Variants in RBMS3 observed in about 807,000 individuals in gnomAD.
RBMS3 encodes the protein RNA-binding motif, single-stranded-interacting protein 3.
A neutral mutation model predicts 66.8 loss-of-function variants in RBMS3; 27 were observed. The observed-to-expected ratio is 0.40, with a 90% confidence interval of 0.30 to 0.56. RBMS3 has a LOEUF of 0.56. Ranked by LOEUF, RBMS3 falls within the 20% of genes least tolerant of loss-of-function variation. The probability of loss-of-function intolerance (pLI) is 0.40; values close to 1 mark genes in which losing one functional copy is unlikely to be tolerated. For synonymous variants in RBMS3, 188 were observed against 183.0 expected (o/e 1.03, Z -0.22); for missense variants, 513 against 549.5 (o/e 0.93, Z 0.66).
chr3:29,484,262 T>C (rs2043242021), intron 2 of RBMS3, among the ~76,000 whole-genome samples: 1 of 152,220 alleles, frequency 6.6e-6, no homozygotes, highest in Non-Finnish European at 1.5e-5. Context: ...AGAACTGCCA[T>C]AACAAAGTAC....
chr3:29,356,927 C>G (rs2037254995), intron 1 of RBMS3, among the ~76,000 whole-genome samples: 1 of 152,078 alleles, frequency 6.6e-6, no homozygotes, highest in South Asian at 2.1e-4. Context: ...ATAAAAAGGG[C>G]AGGTCTTACA....
intron 3 of RBMS3, among the ~76,000 whole-genome samples, chr3:29,527,485 A>G (rs796686283): frequency 3.9e-5 from 6 of 152,240 alleles, no homozygotes; most frequent in African/African-American, 1.4e-4. Flanking sequence ...CAACTCCATA[A>G]CCAGGGGCTC....
chr3:29,425,216 CAAA>C (rs71091059), intron 1 of RBMS3, among the ~76,000 whole-genome samples: 1 of 120,020 alleles, frequency 8.3e-6, no homozygotes, highest in Non-Finnish European at 1.8e-5. Flanking sequence ...CCAAAAAAAA[CAAA>C]AAAAAAAAAA....
intron 11 of RBMS3, among the ~76,000 whole-genome samples, chr3:29,941,160 C>T (rs777744504): frequency 5.3e-5 from 8 of 151,916 alleles, no homozygotes; most frequent in Non-Finnish European, 8.8e-5. Flanking sequence ...GTGATATCAT[C>T]GATTTCCACA....
intron 1 of RBMS3, among the ~76,000 whole-genome samples, chr3:29,320,470 T>C (rs1395834986): frequency 2.0e-5 from 3 of 152,188 alleles, no homozygotes; most frequent in Non-Finnish European, 4.4e-5. Flanking sequence ...CCTGGAAACA[T>C]TCTATGGCAT....
intron 4 of RBMS3, among the ~76,000 whole-genome samples, chr3:29,701,201 T>C (rs9863546): frequency 0.13 from 19,880 of 151,516 alleles, 2,740 homozygotes; most frequent in African/African-American, 0.35. Flanking sequence ...TGCTTGAACC[T>C]GGGAGGCAGA....
chr3:29,502,897 T>C (rs1337877502), intron 3 of RBMS3, among the ~76,000 whole-genome samples: 2 of 152,100 alleles, frequency 1.3e-5, no homozygotes, highest in Non-Finnish European at 2.9e-5. Context: ...AAAGGGCCTA[T>C]GTGGTCGTTT....
chr3:29,364,203 C>G (rs1007193664), intron 1 of RBMS3, among the ~76,000 whole-genome samples: 7 of 152,126 alleles, frequency 4.6e-5, no homozygotes, highest in African/African-American at 1.7e-4. Flanking sequence ...GAAAACAATT[C>G]TGCAAAACAA....
chr3:29,770,862 G>A (rs1390631844), intron 6 of RBMS3, among the ~76,000 whole-genome samples: 1 of 151,960 alleles, frequency 6.6e-6, no homozygotes, highest in Non-Finnish European at 1.5e-5. Flanking sequence ...GTGCATTTCA[G>A]AATCTAGAAT....
chr3:29,389,953 A>G (rs1037707854), intron 1 of RBMS3, among the ~76,000 whole-genome samples: 1 of 152,138 alleles, frequency 6.6e-6, no homozygotes. Context: ...AGGGACTGCT[A>G]CTGAAAGTGG....
intron 5 of RBMS3, among the ~76,000 whole-genome samples, chr3:29,744,869 G>A (rs2054815178): frequency 6.6e-6 from 1 of 151,338 alleles, no homozygotes; most frequent in African/African-American, 2.4e-5. Flanking sequence ...CATATCTCTT[G>A]AATGTATGAC....
chr3:29,310,865 C>T (rs1259730362), intron 1 of RBMS3, among the ~76,000 whole-genome samples: 1 of 151,794 alleles, frequency 6.6e-6, no homozygotes, highest in African/African-American at 2.4e-5. Flanking sequence ...ATTTTTCTTA[C>T]ATAGATTAAC....
chr3:29,818,868 C>G (rs1286839961), intron 6 of RBMS3, among the ~76,000 whole-genome samples: 1 of 152,094 alleles, frequency 6.6e-6, no homozygotes, highest in Non-Finnish European at 1.5e-5. Flanking sequence ...GTTATTATCT[C>G]CATGGTAGCT....
intron 6 of RBMS3, among the ~76,000 whole-genome samples, chr3:29,831,775 T>G (rs962094908): frequency 2.0e-5 from 3 of 152,128 alleles, no homozygotes; most frequent in African/African-American, 7.2e-5. Flanking sequence ...TTTTTCCTCT[T>G]GTTTTTCTAA....
At chr3:29,962,467 G>A (rs1287826590) in intron 12 of RBMS3, among the ~76,000 whole-genome samples, 1 of 150,620 alleles carries the variant, frequency 6.6e-6, no homozygotes, top group African/African-American at 2.5e-5. Flanking sequence ...GGGGTGTATG[G>A]GTATGAAATC....
intron 3 of RBMS3, among the ~76,000 whole-genome samples, chr3:29,584,701 T>C (rs981400114): frequency 6.6e-6 from 1 of 152,184 alleles, no homozygotes; most frequent in African/African-American, 2.4e-5. Flanking sequence ...TATGTCTTTA[T>C]GTCTTCCTTC....
intron 6 of RBMS3, among the ~76,000 whole-genome samples, chr3:29,826,478 CT>C (rs2058215162): frequency 6.6e-6 from 1 of 151,986 alleles, no homozygotes. Context: ...TTATTTTTAC[CT>C]TTTGACTGTA....
chr3:29,459,799 C>G (rs1218594615), intron 2 of RBMS3, among the ~76,000 whole-genome samples: 1 of 152,140 alleles, frequency 6.6e-6, no homozygotes, highest in East Asian at 1.9e-4. Context: ...TGGGTAAGTA[C>G]AGTAGAGAAT....
At chr3:29,569,728 A>T (rs1334784025) in intron 3 of RBMS3, among the ~76,000 whole-genome samples, 1 of 152,166 alleles carries the variant, frequency 6.6e-6, no homozygotes, top group Admixed American at 6.6e-5. Context: ...CTTTGAATGA[A>T]ACAAAAAACT....
Sources: allele counts gnomAD v4.1 joint callset (sites outside exome capture counted in the v4.1 genomes callset), GRCh38; gene constraint gnomAD v4.1.1; transcripts MANE v1.5; gene names NCBI Gene and HGNC (gene_info 2026-07-23, HGNC 2026-07-21).